The following AJAP1 variants were observed in gnomAD, a reference collection of about 807,000 sequenced individuals.
AJAP1 encodes the protein adherens junctions associated protein 1, also known as adherens junction-associated protein 1.
In AJAP1, 5 loss-of-function variants were observed where a neutral mutation model predicts 35.0. That is an observed-to-expected ratio of 0.14 (90% confidence interval 0.07 to 0.30). The LOEUF is 0.30. AJAP1 is among the 10% of genes least tolerant of loss of function. The pLI is 1.00. For synonymous variants in AJAP1, 284 were observed against 249.3 expected, an observed-to-expected ratio of 1.14 and a Z score of -1.31; for missense variants, 586 against 571.0, an observed-to-expected ratio of 1.03 and a Z score of -0.27.
chr1:4,738,805 G>C (rs1017988712), intron 2 of AJAP1, among the ~76,000 whole-genome samples: 2 of 152,178 alleles, frequency 1.3e-5, no homozygotes, highest in Non-Finnish European at 2.9e-5. Flanking sequence ...GACATGCATG[G>C]ACAAAATGTG....
At chr1:4,659,614 G>A (rs1422093051) in intron 1 of AJAP1, among the ~76,000 whole-genome samples, 2 of 152,188 alleles carry the variant, frequency 1.3e-5, no homozygotes, top group East Asian at 3.9e-4. Flanking sequence ...AAGTACATCC[G>A]CCTCAGAGCT....
chr1:4,764,652 GACC>G (rs1476826826), intron 2 of AJAP1, among the ~76,000 whole-genome samples: 7 of 152,150 alleles, frequency 4.6e-5, no homozygotes, highest in Non-Finnish European at 7.3e-5. Context: ...TGTGTCCAGT[GACC>G]ATGGCTCTTT....
chr1:4,780,259 C>A (rs114825202), intron 5 of AJAP1, among the ~76,000 whole-genome samples: 5,155 of 152,068 alleles, frequency 0.034, 358 homozygotes, highest in Admixed American at 0.18. Context: ...CCTTCCGTCA[C>A]CCCGTATTAA....
chr1:4,764,806 C>T (rs943047351), intron 2 of AJAP1, among the ~76,000 whole-genome samples: 1 of 152,208 alleles, frequency 6.6e-6, no homozygotes, highest in Non-Finnish European at 1.5e-5. Flanking sequence ...ACGTGCCTCA[C>T]GTCCTAGAAA....
At chr1:4,745,024 G>C (rs930122895) in intron 2 of AJAP1, among the ~76,000 whole-genome samples, 1 of 152,146 alleles carries the variant, frequency 6.6e-6, no homozygotes, top group African/African-American at 2.4e-5. Context: ...CCACTGCACC[G>C]AGGAAGGAAG....
At position 4,712,186 on chromosome 1, in the gene AJAP1, G is replaced by C. The variant is rs1344870244; in HGVS notation, c.316G>C (p.Asp106His). The C allele has an allele frequency of 1.9e-6, 3 of 1,566,826 alleles. No homozygotes were observed. The highest frequency in any genetic ancestry group is 2.3e-5 in the South Asian group (2 of 85,484). ...PRARRAHRPR[D>H]QAAALVPKAG... ...AGCCAGACGGGCCCACAGGCCCCGG[G>C]ACCAGGCGGCCGCCCTCGTGCCCAA... The change falls in exon 2 of 6, where the codon GAC (aspartate) becomes CAC (histidine). Residue 106 changes from aspartate to histidine, a missense_variant. Physicochemically the swap from Asp to His is moderately conservative, Grantham distance 81 (BLOSUM62 -1). Coordinates refer to ENST00000378191, the MANE Select transcript of AJAP1 (RefSeq NM_018836.4).
intron 2 of AJAP1, among the ~76,000 whole-genome samples, chr1:4,716,341 T>C (rs983412813): frequency 2.0e-5 from 3 of 152,242 alleles, no homozygotes; most frequent in Non-Finnish European, 2.9e-5. Flanking sequence ...TTTGGGCAAC[T>C]TGCTTGTCCT....
chr1:4,767,468 T>C (rs1641709841), intron 2 of AJAP1, among the ~76,000 whole-genome samples: 1 of 151,536 alleles, frequency 6.6e-6, no homozygotes, highest in South Asian at 2.1e-4. Flanking sequence ...TCATTGCCAT[T>C]ATTATCACCA....
rs140821576 is a variant in AJAP1, at chr1:4,725,050, C to T, written c.829+12351C>T. Among the ~76,000 whole-genome samples, 20 of 152,298 alleles carry T rather than the reference C, an allele frequency of 1.3e-4. 1 individual carries two copies. In the East Asian group the frequency reaches 2.5e-3, roughly 19 times the overall value. On this transcript the variant is annotated intron_variant, in intron 2 of 5. Coordinates refer to ENST00000378191, the MANE Select transcript of AJAP1 (RefSeq NM_018836.4). ...GGACTGCCCACGCTTGTGCCCAGAG[C>T]GAGCAATGAAACTGCCTGCCAGCCC...
intron 1 of AJAP1, among the ~76,000 whole-genome samples, chr1:4,684,647 T>C (rs1448668859): frequency 1.3e-5 from 2 of 152,186 alleles, no homozygotes; most frequent in Non-Finnish European, 2.9e-5. Context: ...GCTTCTCACG[T>C]GCCTCCAAAT....
chr1:4,735,294 G>A (rs963368124), intron 2 of AJAP1, among the ~76,000 whole-genome samples: 10 of 152,236 alleles, frequency 6.6e-5, no homozygotes, highest in African/African-American at 2.4e-4. Flanking sequence ...ACATAGGGGA[G>A]ATGGGGAGAG....
chr1:4,663,474 AC>A (rs1639048340), intron 1 of AJAP1, among the ~76,000 whole-genome samples: 1 of 152,160 alleles, frequency 6.6e-6, no homozygotes, highest in South Asian at 2.1e-4. Flanking sequence ...ACTTGGAAGA[AC>A]CCAACTGCAT....
At chr1:4,721,037 T>A (rs143979425) in intron 2 of AJAP1, among the ~76,000 whole-genome samples, 1 of 152,304 alleles carries the variant, frequency 6.6e-6, no homozygotes, top group East Asian at 1.9e-4. Flanking sequence ...GGCACGACTC[T>A]CCCCTTTACA....
chr1:4,722,194 C>T (rs1437648302), intron 2 of AJAP1, among the ~76,000 whole-genome samples: 1 of 152,234 alleles, frequency 6.6e-6, no homozygotes, highest in African/African-American at 2.4e-5. Context: ...GGAACTTCAG[C>T]GTGTTCCAGC....
intron 2 of AJAP1, among the ~76,000 whole-genome samples, chr1:4,764,543 G>T (rs1464821028): frequency 6.6e-6 from 1 of 152,220 alleles, no homozygotes; most frequent in South Asian, 2.1e-4. Context: ...GCAGGTCTCT[G>T]TGGAAAATGA....
intron 1 of AJAP1, among the ~76,000 whole-genome samples, chr1:4,682,184 C>T (rs1200918790): frequency 6.6e-6 from 1 of 152,170 alleles, no homozygotes; most frequent in Non-Finnish European, 1.5e-5. Flanking sequence ...AGGCTGCATG[C>T]ATCTTAGAAC....
intron 2 of AJAP1, among the ~76,000 whole-genome samples, chr1:4,760,244 T>TGA (rs3086641): frequency 0.76 from 114,869 of 151,460 alleles, 44,309 homozygotes; most frequent in African/African-American, 0.81. Flanking sequence ...AGCATGTGTA[T>TGA]GAGTGTGTGA....
chr1:4,742,925 C>T (rs370689781), intron 2 of AJAP1, among the ~76,000 whole-genome samples: 1 of 68,242 alleles, frequency 1.5e-5, no homozygotes, highest in East Asian at 3.2e-4. Flanking sequence ...GTGATGTTGA[C>T]GACTGACCGA....
At chr1:4,779,340 CTTT>C (rs57812997) in intron 5 of AJAP1, among the ~76,000 whole-genome samples, 2 of 144,304 alleles carry the variant, frequency 1.4e-5, no homozygotes. Context: ...TTTTCTTTTT[CTTT>C]TTTTTTTTTT....
Sources: allele counts gnomAD v4.1 joint callset (sites outside exome capture counted in the v4.1 genomes callset), GRCh38; gene constraint gnomAD v4.1.1; transcripts MANE v1.5; gene names NCBI Gene and HGNC (gene_info 2026-07-23, HGNC 2026-07-21).